The following TMEM117 variants were observed in gnomAD, a reference collection of about 807,000 sequenced individuals.
TMEM117 encodes transmembrane protein 117.
A neutral mutation model predicts 52.4 loss-of-function variants in TMEM117; 27 were observed. That is an observed-to-expected ratio of 0.51 (90% CI 0.38 to 0.71). The LOEUF is 0.71. Among genes scored for constraint, TMEM117 ranks in the 30% least tolerant of loss-of-function variants. The probability of loss-of-function intolerance (pLI) is 0.00; values close to 1 mark genes in which losing one functional copy is unlikely to be tolerated. For synonymous variants in TMEM117, 215 were observed against 206.3 expected (o/e 1.04, Z -0.36); for missense variants, 556 against 630.5 (o/e 0.88, Z 1.26).
chr12:43,946,285 A>C (rs562845812), intron 3 of TMEM117, among the ~76,000 whole-genome samples: 1 of 152,254 alleles, frequency 6.6e-6, no homozygotes, highest in East Asian at 1.9e-4. Context: ...ACCTCTGTGA[A>C]AACTACATTT....
At chr12:43,856,545 C>T (rs528985404) in intron 2 of TMEM117, among the ~76,000 whole-genome samples, 1 of 152,332 alleles carries the variant, frequency 6.6e-6, no homozygotes, top group African/African-American at 2.4e-5. Context: ...TCCTCCCTCT[C>T]CAAACCACTC....
At chr12:44,096,656 GC>G (rs1947769511) in intron 3 of TMEM117, among the ~76,000 whole-genome samples, 1 of 151,892 alleles carries the variant, frequency 6.6e-6, no homozygotes, top group South Asian at 2.1e-4. Flanking sequence ...AAACTGACTA[GC>G]CATATGTAGA....
intron 3 of TMEM117, among the ~76,000 whole-genome samples, chr12:44,001,039 C>G (rs535287283): frequency 6.6e-6 from 1 of 152,158 alleles, no homozygotes; most frequent in Non-Finnish European, 1.5e-5. Flanking sequence ...AGTTCCTGCT[C>G]ATGGAGACCC....
At chr12:44,397,051 T>G in the TMEM117 span, among the ~76,000 whole-genome samples, 1 of 151,960 alleles carries the variant, frequency 6.6e-6, no homozygotes, top group Non-Finnish European at 1.5e-5. Flanking sequence ...AAAATCCAAT[T>G]TAAAGCGAGT....
intron 2 of TMEM117, among the ~76,000 whole-genome samples, chr12:43,876,411 A>T (rs916303902): frequency 6.6e-5 from 10 of 152,112 alleles, no homozygotes; most frequent in Non-Finnish European, 1.5e-4. Flanking sequence ...GCTTAGGTTG[A>T]TCTTCAAGAT....
chr12:44,268,697 G>C (rs1950410198), intron 5 of TMEM117, among the ~76,000 whole-genome samples: 1 of 151,970 alleles, frequency 6.6e-6, no homozygotes, highest in Non-Finnish European at 1.5e-5. Flanking sequence ...CAAACTAGTA[G>C]GTGTATGCAA....
chr12:44,120,401 G>A (rs1390822889), intron 3 of TMEM117, among the ~76,000 whole-genome samples: 6 of 152,092 alleles, frequency 3.9e-5, no homozygotes, highest in Admixed American at 6.5e-5. Flanking sequence ...AATAGTATAA[G>A]GTTCACCAGG....
intron 2 of TMEM117, among the ~76,000 whole-genome samples, chr12:43,848,623 A>G (rs1295675182): frequency 6.6e-6 from 1 of 151,690 alleles, no homozygotes; most frequent in African/African-American, 2.4e-5. Context: ...TTCAAGGTGC[A>G]CTAATTTCAT....
In TMEM117 at chr12:44,224,153, C is replaced by T. The variant is rs114022780; in HGVS notation, c.608+12766C>T. Among the ~76,000 whole-genome samples the T allele has an allele frequency of 8.0e-3, 1,222 of 152,264 alleles. 22 individuals are homozygous for T. The highest frequency in any genetic ancestry group is 0.027 in the African/African-American group (1,136 of 41,542). On this transcript the variant is annotated intron_variant, in intron 5 of 7. Transcript: ENST00000266534. ...TGATTCTCTTACACACACCCACACA[C>T]ACACATGCACAACCTCATATATGCA...
At chr12:43,922,887 G>T (rs745601603) in intron 2 of TMEM117, among the ~76,000 whole-genome samples, 1 of 152,134 alleles carries the variant, frequency 6.6e-6, no homozygotes, top group Non-Finnish European at 1.5e-5. Context: ...CAGAAATAAA[G>T]CCTGTGGTTA....
intron 2 of TMEM117, among the ~76,000 whole-genome samples, chr12:43,866,001 T>C (rs950716946): frequency 2.6e-5 from 4 of 151,826 alleles, no homozygotes; most frequent in African/African-American, 9.7e-5. Context: ...GAAAAAGTAG[T>C]TAATAGAAAC....
Position 44,376,701 on chromosome 12 carries a change from A to G in TMEM117, c.875A>G (p.Glu292Gly), listed in dbSNP as rs1592728351. 1 of 1,610,828 alleles carries G rather than the reference A, an allele frequency of 6.2e-7. No homozygotes were observed. Among genetic ancestry groups the G allele is most frequent in the Non-Finnish European group, 8.5e-7 (1 of 1,178,922 alleles). ...CCTTTCTTCCAGAAAATCTTCAAGG[A>G]GGAATATCGTATTCACATAACAGGT... Reference protein sequence around the residue: ...KIPFFQKIFKEEYRIHITGKW... With the variant: ...KIPFFQKIFKGEYRIHITGKW... The change falls in exon 7 of 8, where the codon GAG becomes GGG. Residue 292 changes from glutamate to glycine, a missense_variant. Around this residue, in one of 3 missense-constraint regions of TMEM117, gnomAD observed 328 missense variants for 371.4 expected, o/e 0.88. Transcript: ENST00000266534.
intron 3 of TMEM117, among the ~76,000 whole-genome samples, chr12:43,970,784 T>C (rs1412892459): frequency 1.3e-5 from 2 of 152,176 alleles, no homozygotes; most frequent in Non-Finnish European, 2.9e-5. Flanking sequence ...CTCTCATCAC[T>C]CAGGGTTTTA....
chr12:44,352,604 G>T (rs1310771931), intron 6 of TMEM117, among the ~76,000 whole-genome samples: 2 of 152,006 alleles, frequency 1.3e-5, no homozygotes, highest in Non-Finnish European at 1.5e-5. Context: ...CTTCATCCAT[G>T]TCCCTACAAA....
Position 43,967,405 on chromosome 12 carries a change from G to T in TMEM117, c.410+23063G>T, listed in dbSNP as rs950247576. Among the ~76,000 whole-genome samples the T allele has an allele frequency of 8.5e-5, 13 of 152,130 alleles. No homozygotes were observed. The East Asian group carries it at 2.3e-3, about 27-fold the overall frequency. ...CCTAAAGTGCTGGGATTACAGGCAT[G>T]AGCCACTGCACCCAGCCACATGTTA... On this transcript the variant is annotated intron_variant, in intron 3 of 7. Transcript: ENST00000266534.
At chr12:44,271,808 A>T (rs2138569430) in intron 5 of TMEM117, among the ~76,000 whole-genome samples, 1 of 152,232 alleles carries the variant, frequency 6.6e-6, no homozygotes, top group East Asian at 1.9e-4. Context: ...AACTCATAGA[A>T]TGAGGGAATA....
chr12:43,817,637 T>C, the TMEM117 span, among the ~76,000 whole-genome samples: 1 of 152,326 alleles, frequency 6.6e-6, no homozygotes, highest in Non-Finnish European at 1.5e-5. Context: ...GGCAATAAAT[T>C]ATGTTAGTAT....
At chr12:44,256,905 A>T (rs768463421) in intron 5 of TMEM117, among the ~76,000 whole-genome samples, 1 of 151,476 alleles carries the variant, frequency 6.6e-6, no homozygotes, top group African/African-American at 2.4e-5. Context: ...AGGGTTTGTA[A>T]CTTGGCCATT....
intron 6 of TMEM117, among the ~76,000 whole-genome samples, chr12:44,319,516 T>C (rs1442437479): frequency 1.3e-5 from 2 of 152,206 alleles, no homozygotes; most frequent in African/African-American, 4.8e-5. Flanking sequence ...GTCTGGGACG[T>C]CCTTCACTGT....
Sources: allele counts gnomAD v4.1 joint callset (sites outside exome capture counted in the v4.1 genomes callset), GRCh38; gene constraint gnomAD v4.1.1; regional missense constraint gnomAD v4.1.1; transcripts MANE v1.5; gene names NCBI Gene and HGNC (gene_info 2026-07-23, HGNC 2026-07-21).